Variants in NFATC1 observed in about 807,000 individuals in gnomAD.
The protein encoded by NFATC1 is nuclear factor of activated T-cells, cytoplasmic 1.
NFATC1 carries 22 observed loss-of-function variants against 76.0 expected under a neutral mutation model. The ratio of observed to expected loss-of-function variants is 0.29; its 90% CI spans 0.21 to 0.41. The LOEUF (loss-of-function observed/expected upper bound fraction) is 0.41. Ranked by LOEUF, NFATC1 falls within the 10% of genes least tolerant of loss-of-function variation. The probability of loss-of-function intolerance (pLI) is 1.00; values close to 1 mark genes in which losing one functional copy is unlikely to be tolerated. For synonymous variants in NFATC1, 704 were observed against 613.1 expected, an observed-to-expected ratio of 1.15 and a Z score of -2.19; for missense variants, 1,357 against 1,337.7, an observed-to-expected ratio of 1.01 and a Z score of -0.23.
chr18:79,396,270 C>A lies in NFATC1; in HGVS notation c.46C>A (p.Pro16Thr). 6.8e-7 allele frequency: 1 copy of A among 1,480,378 alleles called. No homozygotes were observed. Among genetic ancestry groups the A allele is most frequent in the Non-Finnish European group, 9.0e-7 (1 of 1,106,984 alleles). The allele number at this position is 1,480,378 out of a possible 1,614,324, so 91.7% of individuals were successfully genotyped here. A position where few individuals can be genotyped will look rare whatever the true frequency, so the allele number is the denominator to read the frequency against. The change falls in exon 1 of 10, where the codon CCT becomes ACT. Residue 16 changes from proline to threonine, a missense_variant. Coordinates refer to ENST00000427363, the MANE Select transcript of NFATC1 (RefSeq NM_001278669.2). ...FPVPSKFPLGPAAAVFGRGET... is the reference protein window; with the variant it reads ...FPVPSKFPLGTAAAVFGRGET... Reference sequence around the variant, plus strand: ...AGTCCCTTCCAAGTTTCCACTTGGCCCTGCGGCTGCGGTCTTCGGGAGAGG... The same window carrying A: ...AGTCCCTTCCAAGTTTCCACTTGGCACTGCGGCTGCGGTCTTCGGGAGAGG...
At chr18:79,456,249 C>G (rs2087718979) in intron 6 of NFATC1, among the ~76,000 whole-genome samples, 1 of 152,240 alleles carries the variant, frequency 6.6e-6, no homozygotes, top group African/African-American at 2.4e-5. Context: ...TGCCGGGACA[C>G]ACACATTCAC....
intron 1 of NFATC1, among the ~76,000 whole-genome samples, chr18:79,398,312 T>C (rs189749154): frequency 1.3e-5 from 2 of 152,260 alleles, no homozygotes; most frequent in East Asian, 3.9e-4. Flanking sequence ...GCCACTTAAC[T>C]TCACAGCGTT....
At chr18:79,496,255 T>A (rs2089884069) in intron 9 of NFATC1, 1 of 152,558 alleles carries the variant, frequency 6.6e-6, no homozygotes, top group Admixed American at 6.5e-5. Context: ...AGAGCTTCCT[T>A]ATTTGAGAAC....
At chr18:79,476,558 G>A (rs1036201197) in intron 8 of NFATC1, among the ~76,000 whole-genome samples, 5 of 152,142 alleles carry the variant, frequency 3.3e-5, no homozygotes, top group South Asian at 2.1e-4. Context: ...TGGCCCCGTC[G>A]CTGCCACCTG....
At position 79,396,122 on chromosome 18, in the gene NFATC1, C is replaced by T. The variant is rs1433095420; in HGVS notation, c.-103C>T. 11 of 1,220,156 alleles carry T rather than the reference C, an allele frequency of 9.0e-6. No individual in the cohort carries two copies. The highest frequency in any genetic ancestry group is 1.1e-5 in the Non-Finnish European group (11 of 967,922). 75.6% of individuals were successfully genotyped at this position (1,220,156 alleles called of 1,614,324 possible). A position where few individuals can be genotyped will look rare whatever the true frequency, so the allele number is the denominator to read the frequency against. On this transcript the variant is annotated 5_prime_UTR_variant, in exon 1 of 10. Coordinates refer to ENST00000427363, the MANE Select transcript of NFATC1 (RefSeq NM_001278669.2). ...CCTCCGGGGCGCGCGGCGCTGAGCC[C>T]GGGGCGAGGGCTGTCTTCCCGGAGA...
rs112968869 is a variant in NFATC1, at chr18:79,448,599, G to A, written c.1387-183G>A. The A allele has an allele frequency of 1.6e-3, 985 of 634,212 alleles. 9 individuals carry two copies. The African/African-American group carries it at 0.016, about 11-fold the overall frequency. The allele number at this position is 634,212 out of a possible 1,614,324, so 39.3% of individuals were successfully genotyped here. On this transcript the variant is annotated intron_variant, in intron 3 of 9. Transcript: ENST00000427363. The stretch of plus-strand genomic sequence containing the variant: ...TAAAACTCAGTGCCCAGGTCCATTG[G>A]GATAACAAGGCATTTTCTAATCTGA...
At chr18:79,463,419 T>C (rs1167855499) in intron 7 of NFATC1, among the ~76,000 whole-genome samples, 2 of 152,110 alleles carry the variant, frequency 1.3e-5, no homozygotes, top group African/African-American at 4.8e-5. Context: ...GGAGCTGCTG[T>C]ACCGGCCTCT....
intron 8 of NFATC1, among the ~76,000 whole-genome samples, chr18:79,473,465 C>T (rs954951329): frequency 1.2e-4 from 18 of 149,424 alleles, no homozygotes; most frequent in African/African-American, 4.5e-4. Flanking sequence ...TCATTGTCGA[C>T]GTAAACCCCA....
chr18:79,457,816 G>A (rs1219530020), intron 6 of NFATC1, among the ~76,000 whole-genome samples: 2 of 152,158 alleles, frequency 1.3e-5, no homozygotes, highest in Non-Finnish European at 2.9e-5. Context: ...CCATCCTGCC[G>A]GCTGTGGTGC....
In NFATC1 at chr18:79,479,185, T is replaced by C. The variant is rs138768174; in HGVS notation, c.2093-7063T>C. ...ATTGGTGTTTCTGTTGCACCGTTGC[T>C]TAGCCTGAAAATGAGCTGCCCTTTT... On this transcript the variant is annotated intron_variant, in intron 8 of 9. Coordinates refer to ENST00000427363, the MANE Select transcript of NFATC1 (RefSeq NM_001278669.2). Among the ~76,000 whole-genome samples, 684 of 152,388 alleles carry C rather than the reference T, an allele frequency of 4.5e-3. 9 individuals carry two copies. The highest frequency in any genetic ancestry group is 0.013 in the African/African-American group (530 of 41,598).
intron 7 of NFATC1, among the ~76,000 whole-genome samples, chr18:79,464,220 T>C (rs2088308232): frequency 1.3e-5 from 2 of 151,988 alleles, no homozygotes; most frequent in Non-Finnish European, 2.9e-5. Flanking sequence ...CTCCCGAGTA[T>C]CTAGGACTAC....
In NFATC1 at chr18:79,428,579, A is replaced by G. The variant is rs562940003; in HGVS notation, c.1227-5000A>G. 7.2e-5 allele frequency among the ~76,000 whole-genome samples: 11 copies of G among 152,340 alleles called. No individual in the cohort carries two copies. In the East Asian group the frequency reaches 2.1e-3, roughly 29 times the overall value. ...CCAGCGTTTACAACAACAGAGGGGAACAGCCCACAGCCCAGCAGTACAATG... is the reference window on the plus strand; with the variant it reads ...CCAGCGTTTACAACAACAGAGGGGAGCAGCCCACAGCCCAGCAGTACAATG... On this transcript the variant is annotated intron_variant, in intron 2 of 9. Transcript: ENST00000427363.
At chr18:79,417,211 T>G (rs1600644045) in intron 2 of NFATC1, among the ~76,000 whole-genome samples, 3 of 72,544 alleles carry the variant, frequency 4.1e-5, no homozygotes, top group Non-Finnish European at 8.2e-5. Context: ...TGGGCTGTGG[T>G]GGGAGATGGG....
intron 9 of NFATC1, chr18:79,497,135 C>T (rs1171116176): frequency 2.6e-5 from 4 of 152,286 alleles, no homozygotes; most frequent in African/African-American, 7.2e-5. Flanking sequence ...GAATTTCTGA[C>T]TGTTTGCTAA....
chr18:79,495,528 A>G (rs115466913), intron 9 of NFATC1, among the ~76,000 whole-genome samples: 1,766 of 152,302 alleles, frequency 0.012, 42 homozygotes, highest in African/African-American at 0.04. Flanking sequence ...GTAACTGGAG[A>G]GAGAGACATA....
Position 79,442,153 on chromosome 18 carries a change from G to A in NFATC1, c.1387-6629G>A, listed in dbSNP as rs186207503. Among the ~76,000 whole-genome samples the A allele has an allele frequency of 3.3e-3, 504 of 152,334 alleles. 10 individuals carry two copies. The highest frequency in any genetic ancestry group is 5.7e-3 in the African/African-American group (239 of 41,578). On this transcript the variant is annotated intron_variant, in intron 3 of 9. Coordinates refer to ENST00000427363, the MANE Select transcript of NFATC1 (RefSeq NM_001278669.2). ...AGAGCAGCCGGGAGGGCAGCGGGCC[G>A]AGGCGGTGGGGGAGGGCACCAGTTC...
Position 79,528,050 on chromosome 18 carries a change from T to C in NFATC1, c.*473T>C. The C allele has an allele frequency of 2.5e-6, 1 of 406,044 alleles. No individual in the cohort carries two copies. 25.2% of individuals were successfully genotyped at this position (406,044 alleles called of 1,614,324 possible). ...TCATTGTGAGGTTTTACCCTCTGTA[T>C]GAATGAAGAGAACGCTGGAAGGCTG... On this transcript the variant is annotated 3_prime_UTR_variant, in exon 10 of 10. Coordinates refer to ENST00000427363, the MANE Select transcript of NFATC1 (RefSeq NM_001278669.2).
intron 9 of NFATC1, among the ~76,000 whole-genome samples, chr18:79,494,278 C>CGG (rs2089797800): frequency 3.0e-5 from 4 of 135,412 alleles, no homozygotes; most frequent in Admixed American, 7.7e-5. Flanking sequence ...GAACCTGGTA[C>CGG]CGCCGGGGGA....
At chr18:79,402,980 C>G (rs1160793272) in intron 1 of NFATC1, among the ~76,000 whole-genome samples, 1 of 152,258 alleles carries the variant, frequency 6.6e-6, no homozygotes, top group Non-Finnish European at 1.5e-5. Context: ...ATAGATTAGA[C>G]TAAGCACAGA....
Sources: gnomAD v4.1 joint callset for allele counts (sites outside exome capture counted in the v4.1 genomes callset) on GRCh38, gnomAD v4.1.1 for gene constraint, MANE v1.5 for transcripts, NCBI Gene and HGNC (gene_info 2026-07-23, HGNC 2026-07-21) for gene names.